The following INPP5A variants were observed in gnomAD, a reference collection of about 807,000 sequenced individuals.
The protein encoded by INPP5A is 43 kDa inositol polyphosphate 5-phophatase.
In INPP5A, 14 loss-of-function variants were observed where a neutral mutation model predicts 65.2. The observed-to-expected ratio is 0.21, with a 90% CI of 0.14 to 0.34. The LOEUF is 0.34. INPP5A is among the 10% of genes least tolerant of loss of function. The probability of loss-of-function intolerance (pLI) is 1.00; values close to 1 mark genes in which losing one functional copy is unlikely to be tolerated. For missense variants in INPP5A, 431 were observed against 545.6 expected, an observed-to-expected ratio of 0.79 and a Z score of 2.09; for synonymous variants, 207 against 208.3, an observed-to-expected ratio of 0.99 and a Z score of 0.05.
At chr10:132,780,820 A>T in intron 13 of INPP5A, 29 bp from the exon 14 acceptor site, 2 of 1,606,476 alleles carry the variant, frequency 1.2e-6, no homozygotes, top group Non-Finnish European at 1.7e-6. Context: ...CCACCTCCCC[A>T]CACTCACCTG....
rs1436318360 is a variant in INPP5A at position 132,538,094 on chromosome 10, AC to A, written c.-1del. 1.7e-6 allele frequency: 2 copies of A among 1,177,022 alleles called. No homozygotes were observed. The highest frequency in any genetic ancestry group is 2.1e-6 in the Non-Finnish European group (2 of 952,190). The allele number at this position is 1,177,022 out of a possible 1,614,324, so 72.9% of individuals were successfully genotyped here. Reference sequence around the variant, plus strand: ...AGCCCAGCGCCCGCGCCGCCCGGGCACCATGGCGGGGAAGGCGGCCGCCCCG... The same window carrying A: ...AGCCCAGCGCCCGCGCCGCCCGGGCACATGGCGGGGAAGGCGGCCGCCCCG... On this transcript the variant is annotated 5_prime_UTR_variant, in exon 1 of 16. Coordinates refer to ENST00000368594, the MANE Select transcript of INPP5A (RefSeq NM_005539.5). This position sits in a 1 kb window ranked among gnomAD's most constrained non-coding sequence, Gnocchi z 4.1.
chr10:132,728,939 G>T (rs1413613959), intron 9 of INPP5A, among the ~76,000 whole-genome samples: 1 of 152,136 alleles, frequency 6.6e-6, no homozygotes, highest in African/African-American at 2.4e-5. Flanking sequence ...GGGCTTGTGT[G>T]GCCGCTCTGG....
chr10:132,567,338 G>C lies in INPP5A; in HGVS notation c.75+29167G>C, dbSNP rs77084040. ...TCATTTATTAATTTTTTGAGATGGG[G>C]GCTCACTATGTTCCCCAAGATGGTC... On this transcript the variant is annotated intron_variant, in intron 1 of 15. Transcript: ENST00000368594. Among the ~76,000 whole-genome samples the C allele has an allele frequency of 4.1e-4, 62 of 152,278 alleles. 1 individual carries two copies. In the East Asian group the frequency reaches 0.011, roughly 27 times the overall value.
At chr10:132,710,259 G>A (rs1034425433) in intron 7 of INPP5A, 78 bp from the exon 8 acceptor site, 18 of 1,536,614 alleles carry the variant, frequency 1.2e-5, no homozygotes, top group East Asian at 4.7e-5. Context: ...TTATCTTCCC[G>A]GGGACTCCTT....
intron 8 of INPP5A, among the ~76,000 whole-genome samples, chr10:132,715,863 A>T (rs1413298122): frequency 6.6e-6 from 1 of 152,138 alleles, no homozygotes; most frequent in Non-Finnish European, 1.5e-5. Flanking sequence ...GGCCGAGGTC[A>T]TGTGTCTGTG....
chr10:132,703,166 C>T (rs981200100), intron 6 of INPP5A, among the ~76,000 whole-genome samples: 2 of 152,156 alleles, frequency 1.3e-5, no homozygotes, highest in Non-Finnish European at 2.9e-5. Context: ...AGGCAAGACA[C>T]CTGTCCCGGT....
At chr10:132,715,323 C>G (rs529108988) in intron 8 of INPP5A, among the ~76,000 whole-genome samples, 6 of 152,342 alleles carry the variant, frequency 3.9e-5, no homozygotes, top group African/African-American at 1.4e-4. Flanking sequence ...TAAAGCACCC[C>G]TTTGTCCCCC....
At chr10:132,728,354 A>G (rs1367861099) in intron 9 of INPP5A, among the ~76,000 whole-genome samples, 6 of 152,206 alleles carry the variant, frequency 3.9e-5, no homozygotes, top group Admixed American at 3.9e-4. Flanking sequence ...CTGGCCTGCC[A>G]TCCCACAGGC....
At chr10:132,710,040 A>G (rs927532604) in intron 7 of INPP5A, among the ~76,000 whole-genome samples, 1 of 152,272 alleles carries the variant, frequency 6.6e-6, no homozygotes, top group African/African-American at 2.4e-5. Context: ...CTCTTAGCTT[A>G]GCCATCAGGG....
In INPP5A at chr10:132,663,277, A is replaced by C. The variant is rs1434769732; in HGVS notation, c.306+12772A>C. Among the ~76,000 whole-genome samples the C allele has an allele frequency of 6.6e-6, 1 of 152,210 alleles. No individual in the cohort carries two copies. The highest frequency in any genetic ancestry group is 1.5e-5 in the Non-Finnish European group (1 of 68,026). On this transcript the variant is annotated intron_variant, in intron 4 of 15. Transcript: ENST00000368594. This position sits in a 1 kb window ranked among gnomAD's most constrained non-coding sequence, Gnocchi z 4.5. ...CACTCTGTTGCCCAGGCTGGAGTGCAGTAGTGCAATCGTGGCTTACTGCAG... is the reference window on the plus strand; with the variant it reads ...CACTCTGTTGCCCAGGCTGGAGTGCCGTAGTGCAATCGTGGCTTACTGCAG...
At chr10:132,767,812 C>T (rs1177466226) in intron 12 of INPP5A, among the ~76,000 whole-genome samples, 22 of 95,460 alleles carry the variant, frequency 2.3e-4, no homozygotes, top group East Asian at 6.6e-4. Flanking sequence ...GGTGCCCACG[C>T]GCCCAGTGGC....
chr10:132,774,042 G>T (rs1847001883), intron 12 of INPP5A, among the ~76,000 whole-genome samples: 1 of 152,238 alleles, frequency 6.6e-6, no homozygotes, highest in South Asian at 2.1e-4. Context: ...GATGACAGGC[G>T]TGAGCCCCCA....
At chr10:132,720,595 A>C (rs192710038) in intron 8 of INPP5A, among the ~76,000 whole-genome samples, 164 of 149,284 alleles carry the variant, frequency 1.1e-3, no homozygotes, top group African/African-American at 3.9e-3. Context: ...TGGGCACCTT[A>C]GACGGCTGTC....
intron 2 of INPP5A, among the ~76,000 whole-genome samples, chr10:132,614,194 G>A (rs1015227971): frequency 2.0e-5 from 3 of 152,210 alleles, no homozygotes; most frequent in Admixed American, 6.5e-5. Context: ...TGGACGGCAC[G>A]ATGGCTCATG....
At chr10:132,626,508 G>T (rs1033500640) in intron 2 of INPP5A, among the ~76,000 whole-genome samples, 1 of 152,154 alleles carries the variant, frequency 6.6e-6, no homozygotes, top group Non-Finnish European at 1.5e-5. Context: ...TTTGCCTTTC[G>T]GCTCCCTGAC....
intron 2 of INPP5A, among the ~76,000 whole-genome samples, chr10:132,620,400 G>A (rs2072093554): frequency 1.3e-5 from 2 of 152,174 alleles, no homozygotes; most frequent in Admixed American, 6.5e-5. Context: ...CCAACTGTAA[G>A]TCATTTCTTT....
intron 1 of INPP5A, among the ~76,000 whole-genome samples, chr10:132,571,850 G>A (rs2071345259): frequency 6.6e-6 from 1 of 152,224 alleles, no homozygotes; most frequent in South Asian, 2.1e-4. Context: ...AGCAGGTGGA[G>A]GGGGCAGGGT....
chr10:132,708,767 C>T (rs566516833), intron 7 of INPP5A, among the ~76,000 whole-genome samples: 9 of 152,334 alleles, frequency 5.9e-5, no homozygotes, highest in Admixed American at 3.9e-4. Flanking sequence ...TGAGCACAGA[C>T]GTAGCGGAGC....
At chr10:132,764,943 GAC>G (rs1846813945) in intron 11 of INPP5A, among the ~76,000 whole-genome samples, 2 of 144,432 alleles carry the variant, frequency 1.4e-5, no homozygotes, top group South Asian at 2.3e-4. Context: ...TGTGCGTGGT[GAC>G]ACTCAGGAAC....
Sources: gnomAD v4.1 joint callset for allele counts (sites outside exome capture counted in the v4.1 genomes callset) on GRCh38, gnomAD v4.1.1 for gene constraint, Gnocchi (gnomAD v3.1) non-coding constraint, MANE v1.5 for transcripts, NCBI Gene and HGNC (gene_info 2026-07-23, HGNC 2026-07-21) for gene names.